The following ATP10A variants were observed in gnomAD, a reference collection of about 807,000 sequenced individuals.
ATP10A encodes the protein ATPase phospholipid transporting 10A (putative).
In ATP10A, 111 loss-of-function variants were observed where a neutral mutation model predicts 147.8. The observed-to-expected ratio is 0.75, with a 90% CI of 0.64 to 0.88. The LOEUF is 0.88. Among genes scored for constraint, ATP10A ranks in the 40% least tolerant of loss-of-function variants. The probability of loss-of-function intolerance (pLI) is 0.00; values close to 1 mark genes in which losing one functional copy is unlikely to be tolerated. For missense variants in ATP10A, 1,927 were observed against 1,959.0 expected (o/e 0.98, Z 0.31); for synonymous variants, 875 against 841.6 (o/e 1.04, Z -0.69).
At chr15:25,829,732 G>A (rs1406601913) in intron 1 of ATP10A, among the ~76,000 whole-genome samples, 1 of 152,186 alleles carries the variant, frequency 6.6e-6, no homozygotes, top group Non-Finnish European at 1.5e-5. Context: ...AGCAGCCCAG[G>A]GCTCTAAGGC....
intron 16 of ATP10A, among the ~76,000 whole-genome samples, chr15:25,684,576 G>A (rs906448141): frequency 3.3e-5 from 5 of 152,158 alleles, no homozygotes; most frequent in Admixed American, 1.3e-4. Context: ...ATACAGAGAG[G>A]GAACTTGAAG....
At chr15:25,824,823 CG>C (rs1289972641) in intron 1 of ATP10A, among the ~76,000 whole-genome samples, 1 of 152,092 alleles carries the variant, frequency 6.6e-6, no homozygotes, top group Admixed American at 6.5e-5. Flanking sequence ...TTTACGTTTC[CG>C]TATTTCCTAC....
chr15:25,759,070 G>T (rs147931439), intron 2 of ATP10A, among the ~76,000 whole-genome samples: 1 of 152,214 alleles, frequency 6.6e-6, no homozygotes, highest in Non-Finnish European at 1.5e-5. Flanking sequence ...GGCCACGTGC[G>T]TCAGGGATAA....
chr15:25,769,436 G>A (rs889235445), intron 2 of ATP10A, among the ~76,000 whole-genome samples: 5 of 140,272 alleles, frequency 3.6e-5, no homozygotes, highest in Admixed American at 7.7e-5. Flanking sequence ...ACAGTGAGCC[G>A]AGATGGCACC....
At chr15:25,731,083 T>A (rs1315337835) in intron 3 of ATP10A, among the ~76,000 whole-genome samples, 2 of 152,182 alleles carry the variant, frequency 1.3e-5, no homozygotes, top group African/African-American at 4.8e-5. Flanking sequence ...AGCCCTGCTG[T>A]CTTTACTAAC....
intron 2 of ATP10A, among the ~76,000 whole-genome samples, chr15:25,753,675 A>G (rs1888267294): frequency 6.6e-6 from 1 of 151,672 alleles, no homozygotes; most frequent in Non-Finnish European, 1.5e-5. Context: ...ACAGAAGTGT[A>G]CATTGTCCCC....
chr15:25,775,794 G>A (rs1237847683), intron 2 of ATP10A, among the ~76,000 whole-genome samples: 1 of 152,246 alleles, frequency 6.6e-6, no homozygotes, highest in Non-Finnish European at 1.5e-5. Flanking sequence ...AGTCACCTCT[G>A]GGACGGCTCT....
At chr15:25,796,474 C>T (rs144830463) in intron 1 of ATP10A, among the ~76,000 whole-genome samples, 1 of 152,336 alleles carries the variant, frequency 6.6e-6, no homozygotes, top group East Asian at 1.9e-4. Flanking sequence ...TGCACACTGC[C>T]ATGGTCTAAT....
intron 9 of ATP10A, among the ~76,000 whole-genome samples, chr15:25,716,507 C>A (rs1402373964): frequency 6.6e-6 from 1 of 152,196 alleles, no homozygotes; most frequent in Non-Finnish European, 1.5e-5. Context: ...TCCCACTTGG[C>A]CCCAATCATA....
At chr15:25,809,452 T>TTAA (rs985702746) in intron 1 of ATP10A, among the ~76,000 whole-genome samples, 11 of 152,220 alleles carry the variant, frequency 7.2e-5, no homozygotes, top group African/African-American at 2.7e-4. Context: ...GTATCAAACC[T>TTAA]TAATTTAAGA....
At chr15:25,834,884 C>G (rs1892523488) in intron 1 of ATP10A, among the ~76,000 whole-genome samples, 1 of 152,182 alleles carries the variant, frequency 6.6e-6, no homozygotes, top group Admixed American at 6.5e-5. Context: ...TACACATGAT[C>G]CATTTTTGTG....
intron 2 of ATP10A, among the ~76,000 whole-genome samples, chr15:25,762,803 C>T (rs540973075): frequency 1.3e-5 from 2 of 152,320 alleles, no homozygotes; most frequent in African/African-American, 4.8e-5. Context: ...TGGTCTCCAA[C>T]TCCTGGCCTC....
intron 2 of ATP10A, among the ~76,000 whole-genome samples, chr15:25,769,548 T>C (rs1194401217): frequency 6.9e-6 from 1 of 145,598 alleles, no homozygotes; most frequent in East Asian, 2.1e-4. Flanking sequence ...ATCAGCTTCC[T>C]AGAACACTGC....
chr15:25,694,823 G>C lies in ATP10A; in HGVS notation c.3084C>G (p.Ala1028=). The C allele has an allele frequency of 6.2e-7, 1 of 1,606,652 alleles. No homozygotes were observed. Among genetic ancestry groups the C allele is most frequent in the Non-Finnish European group, 8.5e-7 (1 of 1,174,870 alleles). The change falls in exon 14 of 21, where the codon GCC becomes GCG. Residue 1028 remains alanine (A), a synonymous_variant. Transcript: ENST00000555815. ...CTGGCCAGCTGGGATACTTGCCTAT[G>C]GCCAGGGTCATGGCCTTGAGCTTGC... ...VRSKLKAMTL[A]IGDGANDVSM...
In ATP10A at chr15:25,688,067, C is replaced by T. The variant is rs143964690; in HGVS notation, c.3166-239G>A. ...GATGTCACCTTATAAGATTCATTTA[C>T]GCTTTCAAATATGTGTCACTAATGG... On this transcript the variant is annotated intron_variant, in intron 15 of 20. Coordinates refer to ENST00000555815, the MANE Select transcript of ATP10A (RefSeq NM_024490.4). 548 of 541,790 alleles carry T rather than the reference C, an allele frequency of 1.0e-3. 1 individual carries two copies. The highest frequency in any genetic ancestry group is 8.8e-3 in the African/African-American group (469 of 53,054). 33.6% of individuals were successfully genotyped at this position (541,790 alleles called of 1,614,324 possible).
chr15:25,853,630 C>CA (rs1482098060), intron 1 of ATP10A, among the ~76,000 whole-genome samples: 1 of 152,124 alleles, frequency 6.6e-6, no homozygotes, highest in Non-Finnish European at 1.5e-5. Context: ...TACTCCCCCC[C>CA]AGATGAGACC....
intron 1 of ATP10A, among the ~76,000 whole-genome samples, chr15:25,809,294 G>A (rs923063784): frequency 6.6e-6 from 1 of 152,046 alleles, no homozygotes; most frequent in Non-Finnish European, 1.5e-5. Context: ...CGTCGGGCGG[G>A]GTGAGACATG....
chr15:25,727,049 T>C (rs1248680156), intron 4 of ATP10A, 111 bp downstream of exon 4: 6 of 594,082 alleles, frequency 1.0e-5, no homozygotes, highest in Admixed American at 9.8e-5. Flanking sequence ...AGTGCGAGAC[T>C]CGTCTCAAAA....
chr15:25,859,730 A>G (rs949066186), intron 1 of ATP10A, among the ~76,000 whole-genome samples: 2 of 152,166 alleles, frequency 1.3e-5, no homozygotes, highest in Admixed American at 6.5e-5. Flanking sequence ...CTACATTTCT[A>G]ACAGGCTCTA....
Sources: gnomAD v4.1 joint callset for allele counts (sites outside exome capture counted in the v4.1 genomes callset) on GRCh38, gnomAD v4.1.1 for gene constraint, MANE v1.5 for transcripts, NCBI Gene and HGNC (gene_info 2026-07-23, HGNC 2026-07-21) for gene names.